The following SVEP1 variants were observed in gnomAD, a reference collection of about 807,000 sequenced individuals.
SVEP1 encodes sushi, von Willebrand factor type A, EGF and pentraxin domain-containing protein 1.
A neutral mutation model predicts 367.3 loss-of-function variants in SVEP1; 164 were observed. The ratio of observed to expected loss-of-function variants is 0.45; its 90% confidence interval spans 0.39 to 0.51. The LOEUF (loss-of-function observed/expected upper bound fraction) is 0.51. Ranked by LOEUF, SVEP1 falls within the 20% of genes least tolerant of loss-of-function variation. The pLI is 0.00. For synonymous variants in SVEP1, 1,666 were observed against 1,611.6 expected, an observed-to-expected ratio of 1.03 and a Z score of -0.81; for missense variants, 4,117 against 4,425.3, an observed-to-expected ratio of 0.93 and a Z score of 1.98.
Position 110,404,516 on chromosome 9 carries a change from A to G in SVEP1, c.9477T>C (p.Asp3159=). ...LEGYTMDTDT[D]TFTCQKDGRW... is the part of the protein sequence containing the mutation. ...GACCATCTTTCTGACAGGTGAATGTATCTGTATCTGTATCCATCGTATAAC... is the reference window on the plus strand; with the variant it reads ...GACCATCTTTCTGACAGGTGAATGTGTCTGTATCTGTATCCATCGTATAAC... Residue 3159 remains aspartate (D), a synonymous_variant, in exon 39 of 48, where the codon GAT becomes GAC. Transcript: ENST00000374469. 6.2e-7 allele frequency: 1 copy of G among 1,613,082 alleles called. No individual in the cohort carries two copies. Among genetic ancestry groups the G allele is most frequent in the Non-Finnish European group, 8.5e-7 (1 of 1,179,070 alleles).
intron 8 of SVEP1, among the ~76,000 whole-genome samples, chr9:110,492,601 GATATATATATTTC>G (rs1829385016): frequency 6.6e-6 from 1 of 151,744 alleles, no homozygotes; most frequent in Non-Finnish European, 1.5e-5. Context: ...GCAGTGGCTG[GATATATATATTTC>G]ATATATATAT....
intron 3 of SVEP1, among the ~76,000 whole-genome samples, chr9:110,530,710 T>C (rs1830007646): frequency 6.6e-6 from 1 of 152,028 alleles, no homozygotes; most frequent in Non-Finnish European, 1.5e-5. Flanking sequence ...CTAATTTTTG[T>C]ATTTTTTGTA....
At position 110,375,114 on chromosome 9, in the gene SVEP1, C is replaced by T. The variant is rs114563124; in HGVS notation, c.10600+254G>A. Among the ~76,000 whole-genome samples, 675 of 152,100 alleles carry T rather than the reference C, an allele frequency of 4.4e-3. 3 individuals carry two copies. Among genetic ancestry groups the T allele is most frequent in the African/African-American group, 0.016 (644 of 41,490 alleles). On this transcript the variant is annotated intron_variant, in intron 46 of 47. Coordinates refer to ENST00000374469, the MANE Select transcript of SVEP1 (RefSeq NM_153366.4). ...CTTCTCTATGCTCTGCAAAATGAAG[C>T]AGATGACATAAAGAAGACAGATAAT... is the stretch of plus-strand genomic sequence containing the variant.
chr9:110,551,154 T>C (rs1018443138), intron 1 of SVEP1, among the ~76,000 whole-genome samples: 6 of 152,258 alleles, frequency 3.9e-5, no homozygotes, highest in Non-Finnish European at 7.3e-5. Flanking sequence ...GAGTGACAAC[T>C]GCATCCTATG....
intron 1 of SVEP1, among the ~76,000 whole-genome samples, chr9:110,554,336 A>T (rs1432324792): frequency 2.0e-5 from 3 of 152,064 alleles, no homozygotes. Flanking sequence ...CAGTAATCCC[A>T]CCTCTAGGAA....
chr9:110,470,116 T>C (rs529605252), intron 16 of SVEP1, among the ~76,000 whole-genome samples: 3 of 152,258 alleles, frequency 2.0e-5, no homozygotes, highest in Admixed American at 6.5e-5. Flanking sequence ...CTATAAATGA[T>C]GATTTCTTTG....
chr9:110,465,214 C>T (rs1009048699), intron 18 of SVEP1, among the ~76,000 whole-genome samples: 2 of 151,938 alleles, frequency 1.3e-5, no homozygotes, highest in African/African-American at 4.8e-5. Flanking sequence ...TCTTAAAAAG[C>T]TCTCCATGCT....
chr9:110,501,912 T>C (rs182017527), intron 6 of SVEP1, among the ~76,000 whole-genome samples: 38 of 152,218 alleles, frequency 2.5e-4, no homozygotes, highest in African/African-American at 8.2e-4. Flanking sequence ...GATTATTTTC[T>C]TTTTTCAGTG....
chr9:110,557,514 CCTTT>C (rs759449838), intron 1 of SVEP1, among the ~76,000 whole-genome samples: 113 of 150,774 alleles, frequency 7.5e-4, no homozygotes, highest in African/African-American at 2.6e-3. Flanking sequence ...TCTCTCTCTC[CCTTT>C]CTTTCTTTCT....
rs1830245508 is a variant in SVEP1 at position 110,548,424 on chromosome 9, C to CTCA, written c.787+1422_787+1424dup. Among the ~76,000 whole-genome samples, 3 of 152,242 alleles carry CTCA rather than the reference C, an allele frequency of 2.0e-5. No individual in the cohort carries two copies. The South Asian group carries it at 6.2e-4, about 32-fold the overall frequency. On this transcript the variant is annotated intron_variant, in intron 2 of 47. Coordinates refer to ENST00000374469, the MANE Select transcript of SVEP1 (RefSeq NM_153366.4). The stretch of plus-strand genomic sequence containing the variant: ...AGTATAACAAGCCATCAGGAACTTT[C>CTCA]TCATCCCTTTATATGTATTAACCCA...
rs1386649101 is a variant in SVEP1 at position 110,476,259 on chromosome 9, C to T, written c.2544G>A (p.Leu848=). 1.2e-6 allele frequency: 2 copies of T among 1,613,456 alleles called. No homozygotes were observed. The highest frequency in any genetic ancestry group is 8.5e-7 in the Non-Finnish European group (1 of 1,179,616). The change falls in exon 14 of 48, where the codon CTG becomes CTA. Residue 848 remains leucine (L), a synonymous_variant. Coordinates refer to ENST00000374469, the MANE Select transcript of SVEP1 (RefSeq NM_153366.4). ...EDIDCRLEEN[L]TKKYCLEYNY... is the part of the protein sequence containing the mutation. ...TATATTCTAGGCAATATTTTTTGGTCAGGTTCTCCTCCAGTCTGCAGTCAA... is the reference window on the plus strand; with the variant it reads ...TATATTCTAGGCAATATTTTTTGGTTAGGTTCTCCTCCAGTCTGCAGTCAA...
chr9:110,375,490 A>AAAG, intron 45 of SVEP1, 27 bp from the exon 46 acceptor site: 2 of 1,338,832 alleles, frequency 1.5e-6, no homozygotes, highest in Non-Finnish European at 2.0e-6. Context: ...AAAAAAAAAA[A>AAAG]GGAGGCAGGG....
chr9:110,536,662 T>C (rs1375775944), intron 3 of SVEP1, among the ~76,000 whole-genome samples: 1 of 152,010 alleles, frequency 6.6e-6, no homozygotes. Flanking sequence ...AACCCTTCTT[T>C]AATCAAGAAA....
At chr9:110,575,744 G>C (rs1383420884) in intron 1 of SVEP1, among the ~76,000 whole-genome samples, 1 of 152,144 alleles carries the variant, frequency 6.6e-6, no homozygotes, top group African/African-American at 2.4e-5. Context: ...ACTGACAGCT[G>C]AGGGTTAATA....
chr9:110,429,382 C>T, intron 34 of SVEP1, 48 bp from the exon 35 acceptor site: 1 of 1,360,054 alleles, frequency 7.4e-7, no homozygotes, highest in East Asian at 2.6e-5. Context: ...CTTTATTTTG[C>T]ATGCCGTTAT....
intron 45 of SVEP1, chr9:110,377,062 G>C (rs1588019395): frequency 6.2e-6 from 2 of 323,268 alleles, no homozygotes; most frequent in Non-Finnish European, 1.1e-5. Context: ...AATGACTTTA[G>C]ATGGATCTTA....
chr9:110,550,138 G>A, intron 1 of SVEP1, 34 bp from the exon 2 acceptor site: 1 of 1,610,556 alleles, frequency 6.2e-7, no homozygotes, highest in Non-Finnish European at 8.5e-7. Flanking sequence ...ATATGAGTGT[G>A]TACTGTCTTG....
chr9:110,436,821 A>G (rs1474326428), intron 27 of SVEP1, among the ~76,000 whole-genome samples: 1 of 152,202 alleles, frequency 6.6e-6, no homozygotes, highest in Non-Finnish European at 1.5e-5. Context: ...TCTTGTAGAA[A>G]ATCACCCTCC....
intron 36 of SVEP1, among the ~76,000 whole-genome samples, chr9:110,413,811 G>A (rs1828079767): frequency 6.6e-6 from 1 of 151,880 alleles, no homozygotes; most frequent in South Asian, 2.1e-4. Flanking sequence ...GAAAATTGAT[G>A]GAGTTTTGAA....
Sources: gnomAD v4.1 joint callset for allele counts (sites outside exome capture counted in the v4.1 genomes callset) on GRCh38, gnomAD v4.1.1 for gene constraint, MANE v1.5 for transcripts, NCBI Gene and HGNC (gene_info 2026-07-23, HGNC 2026-07-21) for gene names.